DCDC1: variants seen among roughly 807,000 people sequenced by gnomAD.
DCDC1 encodes the protein doublecortin domain containing 1, also known as doublecortin domain-containing protein 1.
In DCDC1, 200 loss-of-function variants were observed where a neutral mutation model predicts 178.3. The ratio of observed to expected loss-of-function variants is 1.12; its 90% confidence interval spans 1.00 to 1.26. The LOEUF (loss-of-function observed/expected upper bound fraction) is 1.26. Among genes scored for constraint, DCDC1 ranks in the 50% most tolerant of loss-of-function variants. The pLI is 0.00. For missense variants in DCDC1, 1,983 were observed against 1,749.2 expected (o/e 1.13, Z -2.38); for synonymous variants, 690 against 604.8 (o/e 1.14, Z -2.07).
intron 17 of DCDC1, among the ~76,000 whole-genome samples, chr11:31,084,427 G>T (rs1424800530): frequency 6.6e-6 from 1 of 152,026 alleles, no homozygotes; most frequent in African/African-American, 2.4e-5. Flanking sequence ...TCCTGGAAAA[G>T]ATAAATGTGT....
At chr11:31,081,903 T>C (rs1847818495) in intron 17 of DCDC1, among the ~76,000 whole-genome samples, 1 of 152,178 alleles carries the variant, frequency 6.6e-6, no homozygotes, top group South Asian at 2.1e-4. Flanking sequence ...ATCATTCTAA[T>C]TTACAATAAC....
intron 20 of DCDC1, among the ~76,000 whole-genome samples, chr11:31,034,800 T>A (rs1304604140): frequency 6.6e-6 from 1 of 152,230 alleles, no homozygotes; most frequent in East Asian, 1.9e-4. Flanking sequence ...TATCTTGTCA[T>A]GAAATACATT....
At chr11:30,891,602 C>A (rs1943782947) in intron 36 of DCDC1, among the ~76,000 whole-genome samples, 1 of 152,146 alleles carries the variant, frequency 6.6e-6, no homozygotes, top group Non-Finnish European at 1.5e-5. Flanking sequence ...TTGAAAGAAC[C>A]AGCAAGGAAA....
At chr11:31,357,063 G>A (rs1191698337) in intron 1 of DCDC1, among the ~76,000 whole-genome samples, 2 of 151,870 alleles carry the variant, frequency 1.3e-5, no homozygotes, top group African/African-American at 4.8e-5. Context: ...TAGAAAAAGA[G>A]GGAATCCTCC....
intron 9 of DCDC1, among the ~76,000 whole-genome samples, chr11:31,238,302 T>C (rs1272201993): frequency 6.6e-6 from 1 of 152,080 alleles, no homozygotes; most frequent in Non-Finnish European, 1.5e-5. Context: ...CTTTACAGTG[T>C]TTCTCAACAG....
intron 9 of DCDC1, among the ~76,000 whole-genome samples, chr11:31,148,210 TAA>T (rs55829692): frequency 0.036 from 3,417 of 95,692 alleles, 43 homozygotes; most frequent in Non-Finnish European, 0.047. Flanking sequence ...TTTATTATTA[TAA>T]AAAAAAAAAA....
At chr11:31,008,349 CAG>C (rs956512233) in intron 20 of DCDC1, among the ~76,000 whole-genome samples, 1 of 151,986 alleles carries the variant, frequency 6.6e-6, no homozygotes, top group African/African-American at 2.4e-5. Flanking sequence ...CACAAAGAAA[CAG>C]AGTAAGAGGT....
chr11:30,952,354 A>C (rs777088595), intron 21 of DCDC1, 91 bp downstream of exon 21: 8 of 1,231,792 alleles, frequency 6.5e-6, no homozygotes, highest in Non-Finnish European at 8.6e-6. Context: ...GCTGCAATTC[A>C]AAAGCTATAT....
chr11:30,949,714 A>G (rs1268043660), intron 21 of DCDC1, among the ~76,000 whole-genome samples: 1 of 152,156 alleles, frequency 6.6e-6, no homozygotes, highest in Non-Finnish European at 1.5e-5. Flanking sequence ...AGGGACATGG[A>G]TGAAGCTGGA....
chr11:31,185,261 G>A (rs1219551325), intron 9 of DCDC1, among the ~76,000 whole-genome samples: 3 of 152,260 alleles, frequency 2.0e-5, no homozygotes, highest in East Asian at 1.9e-4. Flanking sequence ...GCCTGTTGGG[G>A]GTTGGGAGGC....
intron 20 of DCDC1, among the ~76,000 whole-genome samples, chr11:31,059,384 A>G (rs998270411): frequency 6.6e-6 from 1 of 152,102 alleles, no homozygotes; most frequent in African/African-American, 2.4e-5. Context: ...AAAAAACAAA[A>G]TTATACCTTC....
intron 18 of DCDC1, among the ~76,000 whole-genome samples, chr11:31,073,852 A>G (rs1454016570): frequency 6.6e-6 from 1 of 152,330 alleles, no homozygotes; most frequent in African/African-American, 2.4e-5. Flanking sequence ...GTACCAACAA[A>G]TAACTATTCA....
intron 15 of DCDC1, among the ~76,000 whole-genome samples, chr11:31,101,547 T>TTCC (rs1958503993): frequency 6.6e-6 from 1 of 152,184 alleles, no homozygotes; most frequent in South Asian, 2.1e-4. Flanking sequence ...TCTTAAAGAC[T>TTCC]TCCTTAAATA....
At chr11:30,968,970 A>T (rs1315180598) in intron 20 of DCDC1, among the ~76,000 whole-genome samples, 1 of 151,936 alleles carries the variant, frequency 6.6e-6, no homozygotes, top group Non-Finnish European at 1.5e-5. Flanking sequence ...AGATATCACA[A>T]AATTCCCCTA....
chr11:30,998,323 G>C (rs181164691), intron 20 of DCDC1, among the ~76,000 whole-genome samples: 152 of 152,124 alleles, frequency 1.0e-3, no homozygotes, highest in African/African-American at 3.4e-3. Context: ...AGTGGGGAGG[G>C]GGGAGGAAGT....
chr11:30,896,909 T>C lies in DCDC1; in HGVS notation c.4766-2525A>G, dbSNP rs1367994346. 2.6e-5 allele frequency among the ~76,000 whole-genome samples: 4 copies of C among 152,232 alleles called. No individual in the cohort carries two copies. The South Asian group carries it at 6.2e-4, about 24-fold the overall frequency. On this transcript the variant is annotated intron_variant, in intron 34 of 38. Coordinates refer to ENST00000684477, the MANE Select transcript of DCDC1 (RefSeq NM_001387274.1). ...CTAGCACAGTGGTTTGTACATAGCA[T>C]ATGCTCAATAAATGCTTGTTGCAAT...
chr11:31,182,997 G>A (rs1969016235), intron 9 of DCDC1, among the ~76,000 whole-genome samples: 2 of 151,878 alleles, frequency 1.3e-5, no homozygotes, highest in South Asian at 4.1e-4. Context: ...GATCAAAAAA[G>A]ACAAAGAAGG....
intron 20 of DCDC1, among the ~76,000 whole-genome samples, chr11:30,994,693 TTATAA>T (rs1951162094): frequency 6.9e-6 from 1 of 145,286 alleles, no homozygotes; most frequent in South Asian, 2.1e-4. Flanking sequence ...CATATTATTG[TTATAA>T]TATATAACAT....
intron 7 of DCDC1, among the ~76,000 whole-genome samples, chr11:31,284,570 T>A (rs1414193830): frequency 6.6e-6 from 1 of 151,956 alleles, no homozygotes; most frequent in Non-Finnish European, 1.5e-5. Context: ...AATGTACATA[T>A]AAAAACTATA....
Sources: gnomAD v4.1 joint callset for allele counts (sites outside exome capture counted in the v4.1 genomes callset) on GRCh38, gnomAD v4.1.1 for gene constraint, MANE v1.5 for transcripts, NCBI Gene and HGNC (gene_info 2026-07-23, HGNC 2026-07-21) for gene names.